Variants in KMT5B observed in about 807,000 individuals in gnomAD.
The protein encoded by KMT5B is lysine methyltransferase 5B.
In KMT5B, 10 loss-of-function variants were observed where a neutral mutation model predicts 83.2. The ratio of observed to expected loss-of-function variants is 0.12; its 90% CI spans 0.07 to 0.20. KMT5B has a LOEUF of 0.20. Among genes scored for constraint, KMT5B ranks in the 10% least tolerant of loss-of-function variants. KMT5B has a pLI of 1.00. For synonymous variants in KMT5B, 349 were observed against 388.8 expected (o/e 0.90, Z 1.20); for missense variants, 753 against 1,067.2 (o/e 0.71, Z 4.10).
At chr11:68,176,736 A>G (rs1162330308) in intron 4 of KMT5B, 1 of 152,226 alleles carries the variant, frequency 6.6e-6, no homozygotes, top group East Asian at 1.9e-4. Flanking sequence ...GTGAGCCAAG[A>G]TCGCGTCACT....
At chr11:68,201,739 A>T (rs1444200355) in intron 1 of KMT5B, among the ~76,000 whole-genome samples, 1 of 152,090 alleles carries the variant, frequency 6.6e-6, no homozygotes, top group East Asian at 1.9e-4. Flanking sequence ...GTGGCAGGGA[A>T]ACAATCCCCA....
intron 6 of KMT5B, among the ~76,000 whole-genome samples, chr11:68,173,500 T>C (rs1377443933): frequency 1.3e-5 from 2 of 152,206 alleles, no homozygotes; most frequent in Non-Finnish European, 1.5e-5. Flanking sequence ...GAAGACTGAC[T>C]GTGGAAGCCA....
intron 1 of KMT5B, among the ~76,000 whole-genome samples, chr11:68,197,228 C>T (rs1277581829): frequency 6.6e-6 from 1 of 152,132 alleles, no homozygotes; most frequent in African/African-American, 2.4e-5. Flanking sequence ...CTGTCTCGGC[C>T]TCCCAAAGTG....
intron 4 of KMT5B, among the ~76,000 whole-genome samples, chr11:68,177,445 T>C (rs187976244): frequency 6.6e-6 from 1 of 152,186 alleles, no homozygotes; most frequent in East Asian, 1.9e-4. Context: ...AATAATAAAG[T>C]AAAGTACCAG....
intron 3 of KMT5B, among the ~76,000 whole-genome samples, chr11:68,181,864 G>C (rs1856965710): frequency 6.6e-6 from 1 of 152,146 alleles, no homozygotes; most frequent in Admixed American, 6.5e-5. Context: ...CACGTAAACG[G>C]AACACTCTGG....
At chr11:68,181,810 A>C (rs1229935139) in intron 3 of KMT5B, among the ~76,000 whole-genome samples, 2 of 152,206 alleles carry the variant, frequency 1.3e-5, no homozygotes, top group African/African-American at 2.4e-5. Context: ...TCATTAATAA[A>C]GTTTCTGTTC....
chr11:68,190,131 A>G lies in KMT5B; in HGVS notation c.-55T>C. ...TAGTCACTCTCTTCAAATAGCTTAGAGAATACTTTCAATGTTCTCTCCTAA... is the reference window on the plus strand; with the variant it reads ...TAGTCACTCTCTTCAAATAGCTTAGGGAATACTTTCAATGTTCTCTCCTAA... On this transcript the variant is annotated 5_prime_UTR_variant, in exon 2 of 11. Coordinates refer to ENST00000304363, the MANE Select transcript of KMT5B (RefSeq NM_017635.5). 1.3e-6 allele frequency: 2 copies of G among 1,534,436 alleles called. No homozygotes were observed. Among genetic ancestry groups the G allele is most frequent in the Non-Finnish European group, 1.8e-6 (2 of 1,115,274 alleles).
At chr11:68,199,555 G>A (rs182089817) in intron 1 of KMT5B, among the ~76,000 whole-genome samples, 1 of 152,150 alleles carries the variant, frequency 6.6e-6, no homozygotes, top group Non-Finnish European at 1.5e-5. Flanking sequence ...CTGAGACTTG[G>A]GCCTTTACTC....
intron 6 of KMT5B, among the ~76,000 whole-genome samples, chr11:68,172,243 TTTTA>T (rs1478930938): frequency 1.3e-5 from 2 of 152,188 alleles, no homozygotes; most frequent in Non-Finnish European, 1.5e-5. Flanking sequence ...TTTTATTTTA[TTTTA>T]TTTGAGACGG....
At chr11:68,195,725 A>AT (rs1446059534) in intron 1 of KMT5B, among the ~76,000 whole-genome samples, 2 of 152,134 alleles carry the variant, frequency 1.3e-5, no homozygotes, top group Admixed American at 6.6e-5. Context: ...GGTTTGCAAC[A>AT]TTTTTTTTAC....
chr11:68,174,982 CA>C, intron 5 of KMT5B, 35 bp downstream of exon 5: 1 of 1,575,602 alleles, frequency 6.3e-7, no homozygotes, highest in East Asian at 2.3e-5. Flanking sequence ...TATTCTTATC[CA>C]AATAGGTTAA....
At position 68,157,930 on chromosome 11, in the gene KMT5B, G is replaced by A. The variant is rs1176061323; in HGVS notation, c.2416C>T (p.Leu806Phe). 1.9e-6 allele frequency: 3 copies of A among 1,614,144 alleles called. 1 individual carries two copies. The highest frequency in any genetic ancestry group is 3.3e-4 in the Middle Eastern group (2 of 6,062). Residue 806 changes from leucine to phenylalanine, a missense_variant, in exon 11 of 11, where the codon CTT becomes TTT. Around this residue, in one of 9 missense-constraint regions of KMT5B, gnomAD observed 161 missense variants for 195.1 expected, o/e 0.83. Coordinates refer to ENST00000304363, the MANE Select transcript of KMT5B (RefSeq NM_017635.5). The stretch of plus-strand genomic sequence containing the variant: ...TCCATTCGAGACTCCAAGAGAGAAA[G>A]AGGATCACTGCAGCACACCCCATTT... ...HENGVCCSDPLSLLESRMEVD... is the reference protein window; with the variant it reads ...HENGVCCSDPFSLLESRMEVD...
chr11:68,160,909 T>C (rs1854802456), intron 10 of KMT5B, among the ~76,000 whole-genome samples: 1 of 152,218 alleles, frequency 6.6e-6, no homozygotes, highest in Admixed American at 6.5e-5. Flanking sequence ...ATCGCACGAT[T>C]GTACTCCAGC....
chr11:68,186,185 T>C (rs1022501914), intron 2 of KMT5B, among the ~76,000 whole-genome samples: 1 of 152,128 alleles, frequency 6.6e-6, no homozygotes, highest in African/African-American at 2.4e-5. Flanking sequence ...TCGTGAGAAT[T>C]TGGTTCAAAT....
chr11:68,206,128 T>C (rs1276910084), intron 1 of KMT5B, among the ~76,000 whole-genome samples: 1 of 152,182 alleles, frequency 6.6e-6, no homozygotes, highest in African/African-American at 2.4e-5. Flanking sequence ...ACTGATGGGG[T>C]TGTTGAGGGA....
intron 1 of KMT5B, among the ~76,000 whole-genome samples, chr11:68,198,476 ACAAGACAAGACAAGAC>A (rs1352305435): frequency 6.8e-6 from 1 of 147,954 alleles, no homozygotes; most frequent in Non-Finnish European, 1.5e-5. Context: ...ACAAGACAAG[ACAAGACAAGACAAGAC>A]AAGACAGGGC....
chr11:68,195,419 T>C lies in KMT5B; in HGVS notation c.-76-5267A>G, dbSNP rs1738056045. Reference sequence around the variant, plus strand: ...CTGTTGTGAGGATCACATGAAATAATGTACCTAAAAAAGTTGTTTCTATAA... The same window carrying C: ...CTGTTGTGAGGATCACATGAAATAACGTACCTAAAAAAGTTGTTTCTATAA... On this transcript the variant is annotated intron_variant, in intron 1 of 10. Transcript: ENST00000304363. 2.6e-5 allele frequency among the ~76,000 whole-genome samples: 4 copies of C among 152,178 alleles called. No individual in the cohort carries two copies. The South Asian group carries it at 8.3e-4, about 31-fold the overall frequency.
Position 68,158,842 on chromosome 11 carries a change from C to G in KMT5B, c.1504G>C (p.Ala502Pro). 6.2e-7 allele frequency: 1 copy of G among 1,614,180 alleles called. No homozygotes were observed. Among genetic ancestry groups the G allele is most frequent in the Non-Finnish European group, 8.5e-7 (1 of 1,180,048 alleles). ...GTCAAGCACCCGCTGGCAACTGCGG[C>G]TTGGGCTGGTCCCTCTGGCTCCTTA... ...KDKEPEGPAQ[A>P]AVASGCLTRH... is the part of the protein sequence containing the mutation. Residue 502 changes from alanine to proline, a missense_variant, in exon 11 of 11, where the codon GCC becomes CCC. Physicochemically the swap from Ala to Pro is conservative, Grantham distance 27. This residue lies in a region of KMT5B where 397 missense variants were observed against 395.9 expected (regional missense o/e 1.00). Transcript: ENST00000304363.
At chr11:68,174,833 T>C (rs1856202116) in intron 5 of KMT5B, among the ~76,000 whole-genome samples, 185 bp downstream of exon 5, 1 of 152,196 alleles carries the variant, frequency 6.6e-6, no homozygotes, top group African/African-American at 2.4e-5. Flanking sequence ...CATGAGCCAC[T>C]GAGCCTGGCC....
Sources: gnomAD v4.1 joint callset for allele counts (sites outside exome capture counted in the v4.1 genomes callset) on GRCh38, gnomAD v4.1.1 for gene constraint, gnomAD v4.1.1 regional missense constraint, MANE v1.5 for transcripts, NCBI Gene and HGNC (gene_info 2026-07-23, HGNC 2026-07-21) for gene names.